Variants in CACNA1B observed in about 807,000 individuals in gnomAD.
The protein encoded by CACNA1B is voltage-dependent N-type calcium channel subunit alpha-1B.
In CACNA1B, 70 loss-of-function variants were observed where a neutral mutation model predicts 247.2. The ratio of observed to expected loss-of-function variants is 0.28; its 90% CI spans 0.23 to 0.35. The LOEUF is 0.35. Ranked by LOEUF, CACNA1B falls within the 10% of genes least tolerant of loss-of-function variation. The pLI is 1.00. For missense variants in CACNA1B, 2,367 were observed against 3,197.4 expected, an observed-to-expected ratio of 0.74 and a Z score of 6.26; for synonymous variants, 1,231 against 1,294.4, an observed-to-expected ratio of 0.95 and a Z score of 1.05.
chr9:138,027,473 A>T lies in CACNA1B; in HGVS notation c.3286+2301A>T, dbSNP rs1290536515. Among the ~76,000 whole-genome samples the T allele has an allele frequency of 3.3e-5, 5 of 152,066 alleles. 1 individual carries two copies. The highest frequency in any genetic ancestry group is 3.9e-4 in the East Asian group (2 of 5,176). ...TCTAAGTCTTACACCACTCATTATT[A>T]TTTTTTTGTCTGATTTCACTATCAG... is the stretch of plus-strand genomic sequence containing the variant. On this transcript the variant is annotated intron_variant, in intron 20 of 46. Transcript: ENST00000371372.
chr9:138,035,027 A>G (rs1027584643), intron 20 of CACNA1B, among the ~76,000 whole-genome samples: 3 of 152,228 alleles, frequency 2.0e-5, no homozygotes, highest in African/African-American at 7.2e-5. Flanking sequence ...GGGTTTCATC[A>G]TGGTACTTAG....
intron 39 of CACNA1B, among the ~76,000 whole-genome samples, chr9:138,107,579 T>C (rs1433486890): frequency 6.6e-6 from 1 of 152,072 alleles, no homozygotes; most frequent in Non-Finnish European, 1.5e-5. Flanking sequence ...CTTACCCCAT[T>C]GCCGCCTCCT....
intron 38 of CACNA1B, among the ~76,000 whole-genome samples, chr9:138,104,068 G>A (rs1297764349): frequency 6.6e-6 from 1 of 152,232 alleles, no homozygotes; most frequent in African/African-American, 2.4e-5. Context: ...GCCCCACCCA[G>A]CTGTGCTGGC....
At position 137,919,057 on chromosome 9, in the gene CACNA1B, C is replaced by A. The variant is rs1226210045; in HGVS notation, c.966+1626C>A. 6.6e-6 allele frequency among the ~76,000 whole-genome samples: 1 copy of A among 152,252 alleles called. No individual in the cohort carries two copies. The highest frequency in any genetic ancestry group is 2.4e-5 in the African/African-American group (1 of 41,476). On this transcript the variant is annotated intron_variant, in intron 6 of 46. Coordinates refer to ENST00000371372, the MANE Select transcript of CACNA1B (RefSeq NM_000718.4). This position sits in a 1 kb window ranked among gnomAD's most constrained non-coding sequence, Gnocchi z 4.6. Reference sequence around the variant, plus strand: ...GGACTGTGTGACCAGGTCTCCACAGCCCTCAGTGTCCACTGGGGCTTGGCC... The same window carrying A: ...GGACTGTGTGACCAGGTCTCCACAGACCTCAGTGTCCACTGGGGCTTGGCC...
intron 36 of CACNA1B, among the ~76,000 whole-genome samples, chr9:138,078,799 G>A (rs1960416191): frequency 6.6e-6 from 1 of 152,180 alleles, no homozygotes; most frequent in Admixed American, 6.5e-5. Flanking sequence ...GAGAGGCAAG[G>A]GAGTGAGGTG....
rs538536374 is a variant in CACNA1B at position 138,053,638 on chromosome 9, C to T, written c.3808-208C>T. On this transcript the variant is annotated intron_variant, in intron 25 of 46. Transcript: ENST00000371372. ...TCCACCCCTCTCATCATGGCACCACCCTTCCCCTCATGGCCCCACCCTCCC... is the reference window on the plus strand; with the variant it reads ...TCCACCCCTCTCATCATGGCACCACTCTTCCCCTCATGGCCCCACCCTCCC... Among the ~76,000 whole-genome samples, 107 of 139,308 alleles carry T rather than the reference C, an allele frequency of 7.7e-4. 1 individual carries two copies. The highest frequency in any genetic ancestry group is 3.0e-3 in the African/African-American group (104 of 34,348). 91.4% of individuals were successfully genotyped at this position (139,308 alleles called of 152,430 possible). A position where few individuals can be genotyped will look rare whatever the true frequency, so the allele number is the denominator to read the frequency against.
Position 138,102,859 on chromosome 9 carries a change from A to C in CACNA1B, c.5319+52A>C. 1 of 1,178,246 alleles carries C rather than the reference A, an allele frequency of 8.5e-7. No homozygotes were observed. Among genetic ancestry groups the C allele is most frequent in the East Asian group, 2.4e-5 (1 of 41,352 alleles). 73.0% of individuals were successfully genotyped at this position (1,178,246 alleles called of 1,614,324 possible). A position where few individuals can be genotyped will look rare whatever the true frequency, so the allele number is the denominator to read the frequency against. On this transcript the variant is annotated intron_variant, in intron 38 of 46. Coordinates refer to ENST00000371372, the MANE Select transcript of CACNA1B (RefSeq NM_000718.4). This position sits in a 1 kb window ranked among gnomAD's most constrained non-coding sequence, Gnocchi z 5.4. ...CCCAGGAGGCTGTGTGTGCTTGCTGAGGGGTGCTTGCTGGCTCTCCCAGCT... is the reference window on the plus strand; with the variant it reads ...CCCAGGAGGCTGTGTGTGCTTGCTGCGGGGTGCTTGCTGGCTCTCCCAGCT...
At position 138,123,026 on chromosome 9, in the gene CACNA1B, G is replaced by A. The variant is rs201937840; in HGVS notation, c.*1027G>A. ...CCCACGAGTGGAAGGGGTTTCCAAG[G>A]AAGCCACAGGGCAGCTGACCACGTG... On this transcript the variant is annotated 3_prime_UTR_variant, in exon 47 of 47. Transcript: ENST00000371372. 6.6e-6 allele frequency: 1 copy of A among 152,298 alleles called. No homozygotes were observed. The highest frequency in any genetic ancestry group is 1.5e-5 in the Non-Finnish European group (1 of 68,068). The allele number at this position is 152,298 out of a possible 1,614,324, so 9.4% of individuals were successfully genotyped here. A position where few individuals can be genotyped will look rare whatever the true frequency, so the allele number is the denominator to read the frequency against.
chr9:137,987,112 C>T (rs550919292), intron 15 of CACNA1B, among the ~76,000 whole-genome samples: 5 of 152,302 alleles, frequency 3.3e-5, no homozygotes, highest in East Asian at 3.9e-4. Flanking sequence ...GTGTAGTTCC[C>T]GGGGGGCCCA....
At chr9:138,028,510 G>T (rs1236262874) in intron 20 of CACNA1B, among the ~76,000 whole-genome samples, 2 of 152,146 alleles carry the variant, frequency 1.3e-5, no homozygotes, top group African/African-American at 4.8e-5. Context: ...AATTGCTTTA[G>T]ATACCTCCTT....
At chr9:137,975,628 G>T (rs1265653605) in intron 11 of CACNA1B, among the ~76,000 whole-genome samples, 1 of 152,212 alleles carries the variant, frequency 6.6e-6, no homozygotes, top group African/African-American at 2.4e-5. Flanking sequence ...CTCACACCTG[G>T]GCTGATCTCG....
intron 31 of CACNA1B, among the ~76,000 whole-genome samples, chr9:138,062,984 G>A (rs1959783327): frequency 6.6e-6 from 1 of 152,256 alleles, no homozygotes; most frequent in South Asian, 2.1e-4. Flanking sequence ...TCCTTGTCCT[G>A]GCATAGCCCA....
chr9:137,955,826 G>A lies in CACNA1B; in HGVS notation c.1186+13G>A. 4 of 1,510,362 alleles carry A rather than the reference G, an allele frequency of 2.6e-6. No homozygotes were observed. Among genetic ancestry groups the A allele is most frequent in the Middle Eastern group, 1.7e-4 (1 of 5,888 alleles). 93.6% of individuals were successfully genotyped at this position (1,510,362 alleles called of 1,614,324 possible). A position where few individuals can be genotyped will look rare whatever the true frequency, so the allele number is the denominator to read the frequency against. On this transcript the variant is annotated intron_variant, in intron 8 of 46. Coordinates refer to ENST00000371372, the MANE Select transcript of CACNA1B (RefSeq NM_000718.4). This position sits in a 1 kb window ranked among gnomAD's most constrained non-coding sequence, Gnocchi z 6.9. Reference sequence around the variant, plus strand: ...ATCTTCAAGGCGGGTGAGGGCCCGTGGGAGCCACTGCACTCCTGGCCGGCC... The same window carrying A: ...ATCTTCAAGGCGGGTGAGGGCCCGTAGGAGCCACTGCACTCCTGGCCGGCC...
chr9:138,022,986 G>A (rs1167545387), intron 18 of CACNA1B, 25 bp from the exon 19 acceptor site: 11 of 1,465,994 alleles, frequency 7.5e-6, no homozygotes, highest in Non-Finnish European at 9.9e-6. Context: ...AGACGGGGCC[G>A]CGCTCACCGC....
At position 138,073,838 on chromosome 9, in the gene CACNA1B, TAAAG is replaced by T. The variant is rs977901710; in HGVS notation, c.4792-159_4792-156del. Among the ~76,000 whole-genome samples the T allele has an allele frequency of 1.3e-5, 2 of 152,210 alleles. No homozygotes were observed. The highest frequency in any genetic ancestry group is 1.3e-4 in the Admixed American group (2 of 15,288). On this transcript the variant is annotated intron_variant, in intron 33 of 46. Transcript: ENST00000371372. The surrounding 1 kb of genome is among the most constrained non-coding windows in gnomAD (Gnocchi z 6.4). ...GGGTTTCATGACTCCGAGTTAGAGA[TAAAG>T]AAACTGGGGCATCACTTGGTGGAGG... is the stretch of plus-strand genomic sequence containing the variant.
At chr9:138,088,959 CA>C (rs56112600) in intron 36 of CACNA1B, among the ~76,000 whole-genome samples, 23 of 61,416 alleles carry the variant, frequency 3.7e-4, no homozygotes, top group Middle Eastern at 0.011. Flanking sequence ...AACTCCGTCT[CA>C]AAAAAAAAAA....
rs1588972201 is a variant in CACNA1B, at chr9:137,880,418, T to G, written c.390+1259T>G. On this transcript the variant is annotated intron_variant, in intron 2 of 46. Transcript: ENST00000371372. This position sits in a 1 kb window ranked among gnomAD's most constrained non-coding sequence, Gnocchi z 4.8. ...GCTTTCTGGAGGCTGGAGAAGAGGG[T>G]GAGCTTGAGAGGAAACAGGCAGAGA... 6.7e-6 allele frequency among the ~76,000 whole-genome samples: 1 copy of G among 150,312 alleles called. No homozygotes were observed. The highest frequency in any genetic ancestry group is 6.6e-5 in the Admixed American group (1 of 15,112).
chr9:137,911,313 C>T (rs1465807310), intron 3 of CACNA1B, among the ~76,000 whole-genome samples: 1 of 152,204 alleles, frequency 6.6e-6, no homozygotes, highest in Non-Finnish European at 1.5e-5. Flanking sequence ...TGCTGAATGT[C>T]TTCCCGTAGC....
chr9:137,992,489 C>T (rs145650290), intron 15 of CACNA1B, among the ~76,000 whole-genome samples: 6,522 of 152,170 alleles, frequency 0.043, 172 homozygotes, highest in South Asian at 0.083. Context: ...ACAGTAATAG[C>T]GGGGGACTTT....
Sources: gnomAD v4.1 joint callset for allele counts (sites outside exome capture counted in the v4.1 genomes callset) on GRCh38, gnomAD v4.1.1 for gene constraint, Gnocchi (gnomAD v3.1) non-coding constraint, MANE v1.5 for transcripts, NCBI Gene and HGNC (gene_info 2026-07-23, HGNC 2026-07-21) for gene names.